The following TRIM36 variants were observed in gnomAD, a reference collection of about 807,000 sequenced individuals.
The protein encoded by TRIM36 is E3 ubiquitin-protein ligase TRIM36.
A neutral mutation model predicts 72.4 loss-of-function variants in TRIM36; 42 were observed. The ratio of observed to expected loss-of-function variants is 0.58; its 90% CI spans 0.45 to 0.75. TRIM36 has a LOEUF of 0.75. Ranked by LOEUF, TRIM36 falls within the 30% of genes least tolerant of loss-of-function variation. The pLI, the probability that TRIM36 is intolerant of heterozygous loss-of-function variation, is 0.00. For synonymous variants in TRIM36, 315 were observed against 282.8 expected, an observed-to-expected ratio of 1.11 and a Z score of -1.14; for missense variants, 913 against 857.1, an observed-to-expected ratio of 1.07 and a Z score of -0.81.
intron 7 of TRIM36, 151 bp downstream of exon 7, chr5:115,136,849 C>T: frequency 1.5e-6 from 1 of 664,600 alleles, no homozygotes; most frequent in Non-Finnish European, 2.2e-6. Flanking sequence ...GTTTTAAAAA[C>T]ATAAATAGGA....
intron 2 of TRIM36, among the ~76,000 whole-genome samples, chr5:115,155,627 A>C (rs1238159507): frequency 6.6e-6 from 1 of 152,250 alleles, no homozygotes. Context: ...CTTTATGATT[A>C]AAACTCTCAG....
chr5:115,134,034 T>G lies in TRIM36; in HGVS notation c.1324A>C (p.Lys442Gln). 1 of 1,613,976 alleles carries G rather than the reference T, an allele frequency of 6.2e-7. No individual in the cohort carries two copies. The highest frequency in any genetic ancestry group is 8.5e-7 in the Non-Finnish European group (1 of 1,179,950). ...GACATTTCATCATCTCTATTGATTT[T>G]CCGATATTCAAGAACATAGCTATCA... is the stretch of plus-strand genomic sequence containing the variant. ...KADSYVLEYRKINRDDEMSWN... is the reference protein window; with the variant it reads ...KADSYVLEYRQINRDDEMSWN... The change falls in exon 8 of 10, where the codon AAA (lysine) becomes CAA (glutamine). Residue 442 changes from lysine (K) to glutamine (Q), a missense_variant. Transcript: ENST00000513154.
intron 2 of TRIM36, among the ~76,000 whole-genome samples, chr5:115,151,099 T>G (rs1276912927): frequency 6.6e-6 from 1 of 152,204 alleles, no homozygotes; most frequent in African/African-American, 2.4e-5. Flanking sequence ...AAAGCCATAC[T>G]TGCTTTTGCA....
intron 5 of TRIM36, among the ~76,000 whole-genome samples, chr5:115,138,342 AC>A (rs35276510): frequency 6.6e-6 from 1 of 151,742 alleles, no homozygotes; most frequent in East Asian, 1.9e-4. Context: ...ATCATGATCA[AC>A]CCGCCTCGGC....
chr5:115,167,842 A>G (rs1299208006), intron 1 of TRIM36, among the ~76,000 whole-genome samples: 2 of 152,208 alleles, frequency 1.3e-5, no homozygotes, highest in Non-Finnish European at 2.9e-5. Context: ...CCCTTTTCAC[A>G]GTGTTATAAA....
intron 2 of TRIM36, among the ~76,000 whole-genome samples, chr5:115,149,905 C>G (rs1753797824): frequency 6.6e-6 from 1 of 151,864 alleles, no homozygotes; most frequent in Non-Finnish European, 1.5e-5. Context: ...ACTACAGGTG[C>G]CTGCCACCAC....
chr5:115,131,807 T>C (rs1273751673), intron 8 of TRIM36, among the ~76,000 whole-genome samples: 2 of 152,224 alleles, frequency 1.3e-5, no homozygotes, highest in East Asian at 1.9e-4. Flanking sequence ...ATTCCAGTTA[T>C]ATGAGATACC....
chr5:115,165,501 G>A (rs115168741), intron 1 of TRIM36, among the ~76,000 whole-genome samples: 2,287 of 152,294 alleles, frequency 0.015, 62 homozygotes, highest in African/African-American at 0.053. Context: ...CTGAGGCAAT[G>A]GTCTGAACTG....
upstream of TRIM36, chr5:115,174,263 T>G (rs1344508863): frequency 1.3e-5 from 2 of 152,114 alleles, no homozygotes; most frequent in African/African-American, 2.4e-5. Context: ...TGGTATATAC[T>G]AAACAAGAAA....
chr5:115,146,465 T>C (rs1753598767), intron 3 of TRIM36, among the ~76,000 whole-genome samples: 1 of 152,196 alleles, frequency 6.6e-6, no homozygotes, highest in South Asian at 2.1e-4. Flanking sequence ...AAAGATCAGT[T>C]TCTTTCCAGG....
chr5:115,170,943 T>C (rs1302374175), upstream of TRIM36, among the ~76,000 whole-genome samples: 1 of 152,224 alleles, frequency 6.6e-6, no homozygotes, highest in African/African-American at 2.4e-5. Context: ...TCTGGTGTTG[T>C]TTTCAGGACA....
chr5:115,136,902 C>T, intron 7 of TRIM36, 98 bp downstream of exon 7: 4 of 1,259,012 alleles, frequency 3.2e-6, no homozygotes, highest in Non-Finnish European at 1.1e-6. Flanking sequence ...AAGTGAGATG[C>T]TGCTTTATAA....
chr5:115,131,370 T>C (rs995652404), intron 8 of TRIM36, among the ~76,000 whole-genome samples: 1 of 151,656 alleles, frequency 6.6e-6, no homozygotes, highest in Non-Finnish European at 1.5e-5. Flanking sequence ...CATGGGACAC[T>C]GTAAAAAAAC....
intron 2 of TRIM36, chr5:115,148,362 G>T: frequency 1.0e-6 from 1 of 981,768 alleles, no homozygotes; most frequent in South Asian, 4.7e-5. Context: ...ATCCAGGGTT[G>T]TCCATTTACG....
At chr5:115,139,477 T>C (rs1206455187) in intron 5 of TRIM36, among the ~76,000 whole-genome samples, 1 of 152,266 alleles carries the variant, frequency 6.6e-6, no homozygotes, top group Non-Finnish European at 1.5e-5. Flanking sequence ...CATTATCCAT[T>C]GGCTTTCAGC....
Position 115,169,899 on chromosome 5 carries a change from T to C in TRIM36, c.-265A>G, listed in dbSNP as rs1334899793. ...AGCTGCCGGCTGCAGCAGCGGCTCC[T>C]GCGGACTGCGGCTGGGAACGGCGCC... On this transcript the variant is annotated 5_prime_UTR_variant, in exon 1 of 10. Transcript: ENST00000513154. 4 of 1,292,256 alleles carry C rather than the reference T, an allele frequency of 3.1e-6. No homozygotes were observed. Among genetic ancestry groups the C allele is most frequent in the Admixed American group, 4.0e-5 (1 of 25,192 alleles). The allele number at this position is 1,292,256 out of a possible 1,614,324, so 80.0% of individuals were successfully genotyped here.
At chr5:115,170,641 A>G (rs1276814301), upstream of TRIM36, among the ~76,000 whole-genome samples, 1 of 152,184 alleles carries the variant, frequency 6.6e-6, no homozygotes, top group African/African-American at 2.4e-5. Context: ...TTCTGCTTCT[A>G]TACCCCCAAG....
chr5:115,170,093 G>A, upstream of TRIM36: 1 of 525,042 alleles, frequency 1.9e-6, no homozygotes, highest in Admixed American at 6.2e-5. Context: ...TGTGGCACGC[G>A]GTTGGGACTC....
chr5:115,168,620 C>G (rs778360080), intron 1 of TRIM36, among the ~76,000 whole-genome samples: 15 of 152,152 alleles, frequency 9.9e-5, no homozygotes, highest in Non-Finnish European at 2.2e-4. Flanking sequence ...GTGGGTGTTT[C>G]GATGCAGTCT....
Sources: allele counts gnomAD v4.1 joint callset (sites outside exome capture counted in the v4.1 genomes callset), GRCh38; gene constraint gnomAD v4.1.1; transcripts MANE v1.5; gene names NCBI Gene and HGNC (gene_info 2026-07-23, HGNC 2026-07-21).